The following NMNAT2 variants were observed in gnomAD, a reference collection of about 807,000 sequenced individuals.
NMNAT2 encodes the protein nicotinamide/nicotinic acid mononucleotide adenylyltransferase 2.
In NMNAT2, 11 loss-of-function variants were observed where a neutral mutation model predicts 41.6. The observed-to-expected ratio is 0.26, with a 90% CI of 0.17 to 0.44. The LOEUF is 0.44. Among genes scored for constraint, NMNAT2 ranks in the 20% least tolerant of loss-of-function variants. The pLI, the probability that NMNAT2 is intolerant of heterozygous loss-of-function variation, is 1.00. For synonymous variants in NMNAT2, 148 were observed against 151.2 expected (o/e 0.98, Z 0.16); for missense variants, 288 against 407.7 (o/e 0.71, Z 2.53).
chr1:183,345,779 C>T (rs1662915223), intron 1 of NMNAT2, among the ~76,000 whole-genome samples: 1 of 151,862 alleles, frequency 6.6e-6, no homozygotes, highest in African/African-American at 2.4e-5. Context: ...CTCCGCCTCC[C>T]GGGTTCACGC....
chr1:183,389,740 GAAA>G (rs1648383410), intron 1 of NMNAT2, among the ~76,000 whole-genome samples: 2 of 6,306 alleles, frequency 3.2e-4, no homozygotes, highest in African/African-American at 5.5e-4. Flanking sequence ...TGTCAAAAAA[GAAA>G]GAAAGAAAGA....
intron 1 of NMNAT2, among the ~76,000 whole-genome samples, chr1:183,309,860 G>C (rs1662069499): frequency 1.3e-5 from 2 of 152,134 alleles, no homozygotes; most frequent in African/African-American, 4.8e-5. Context: ...TACTTCTCTC[G>C]CTCATTTTGG....
At chr1:183,341,742 A>AAAAAC (rs1557883732) in intron 1 of NMNAT2, among the ~76,000 whole-genome samples, 3 of 137,142 alleles carry the variant, frequency 2.2e-5, no homozygotes, top group African/African-American at 9.0e-5. Flanking sequence ...AAAAAAAAAA[A>AAAAAC]AAAAACCTGT....
Position 183,418,308 on chromosome 1 carries a change from T to C in NMNAT2, c.-41A>G, listed in dbSNP as rs756077809. ...TTCGCGGTGGTCTAGGGGTTGCCTC[T>C]CTTTTTGTGTCTCGTTGTGTCTGCA... On this transcript the variant is annotated 5_prime_UTR_variant, in exon 1 of 11. Transcript: ENST00000287713. 1 of 1,569,864 alleles carries C rather than the reference T, an allele frequency of 6.4e-7. No homozygotes were observed. The highest frequency in any genetic ancestry group is 8.8e-7 in the Non-Finnish European group (1 of 1,140,460).
intron 1 of NMNAT2, among the ~76,000 whole-genome samples, chr1:183,373,253 A>G (rs1663590555): frequency 6.6e-6 from 1 of 152,248 alleles, no homozygotes. Flanking sequence ...TTGCTGAATA[A>G]AATGTCTGGC....
chr1:183,389,691 A>G (rs1288180536), intron 1 of NMNAT2, among the ~76,000 whole-genome samples: 1 of 149,192 alleles, frequency 6.7e-6, no homozygotes, highest in Admixed American at 6.8e-5. Context: ...AGCTGAGATC[A>G]TGCCATTGCA....
chr1:183,316,195 G>T (rs922435375), intron 1 of NMNAT2, among the ~76,000 whole-genome samples: 1 of 152,136 alleles, frequency 6.6e-6, no homozygotes, highest in Non-Finnish European at 1.5e-5. Context: ...GAGTGCTCCA[G>T]TTCCCAGGGA....
chr1:183,286,561 A>G (rs1472853127), intron 5 of NMNAT2, 101 bp downstream of exon 5: 1 of 985,574 alleles, frequency 1.0e-6, no homozygotes, highest in Non-Finnish European at 1.5e-6. Flanking sequence ...CCCCTCTCAG[A>G]CCTACTGAAT....
chr1:183,288,557 C>G (rs145897805), intron 4 of NMNAT2, among the ~76,000 whole-genome samples: 57 of 152,288 alleles, frequency 3.7e-4, no homozygotes, highest in African/African-American at 1.3e-3. Context: ...TCAGGAAGCC[C>G]GGGCATTTAG....
At chr1:183,412,015 A>G (rs997758096) in intron 1 of NMNAT2, among the ~76,000 whole-genome samples, 1 of 152,192 alleles carries the variant, frequency 6.6e-6, no homozygotes, top group African/African-American at 2.4e-5. Flanking sequence ...CAAAGCAAAG[A>G]TGTTCCATGG....
chr1:183,322,814 A>G (rs1487840053), intron 1 of NMNAT2, among the ~76,000 whole-genome samples: 1 of 152,178 alleles, frequency 6.6e-6, no homozygotes, highest in Non-Finnish European at 1.5e-5. Context: ...GTCTGCTGAC[A>G]TCTCCCAAAT....
At chr1:183,313,129 T>C (rs1662164217) in intron 1 of NMNAT2, among the ~76,000 whole-genome samples, 1 of 146,182 alleles carries the variant, frequency 6.8e-6, no homozygotes, top group South Asian at 2.4e-4. Context: ...CACGCATCTA[T>C]TCAATTTAAC....
intron 1 of NMNAT2, among the ~76,000 whole-genome samples, chr1:183,397,802 GC>G (rs1648693220): frequency 6.6e-6 from 1 of 152,154 alleles, no homozygotes; most frequent in Non-Finnish European, 1.5e-5. Context: ...TTCATGTCCA[GC>G]CAAACTAAGC....
Position 183,278,240 on chromosome 1 carries a change from GA to G in NMNAT2, c.651+312del, listed in dbSNP as rs552025719. 3.9e-5 allele frequency among the ~76,000 whole-genome samples: 6 copies of G among 152,256 alleles called. No homozygotes were observed. In the South Asian group the frequency reaches 1.2e-3, roughly 32 times the overall value. On this transcript the variant is annotated intron_variant, in intron 8 of 10. Transcript: ENST00000287713. ...CACACAATAATCTTAAAAGGGCAAA[GA>G]TTTTTTTTTCTCCCTTCCTTCTCCC...
intron 1 of NMNAT2, among the ~76,000 whole-genome samples, chr1:183,338,911 G>C (rs1662735343): frequency 6.6e-6 from 1 of 152,088 alleles, no homozygotes; most frequent in African/African-American, 2.4e-5. Context: ...TCTGTCTCGG[G>C]CTATGAGTTG....
chr1:183,267,381 A>T (rs992648835), intron 8 of NMNAT2: 1 of 152,252 alleles, frequency 6.6e-6, no homozygotes, highest in Non-Finnish European at 1.5e-5. Context: ...AGAAATTTTG[A>T]TATAGCATGT....
intron 1 of NMNAT2, among the ~76,000 whole-genome samples, chr1:183,364,702 T>C (rs926440825): frequency 4.6e-5 from 7 of 152,020 alleles, no homozygotes; most frequent in Non-Finnish European, 7.4e-5. Flanking sequence ...TTGTTGTTGT[T>C]ATTGTTTGAG....
At position 183,252,568 on chromosome 1, in the gene NMNAT2, CAGAG is replaced by C. The variant is rs1156638140; in HGVS notation, c.*69_*72del. 4 of 1,074,264 alleles carry C rather than the reference CAGAG, an allele frequency of 3.7e-6. No homozygotes were observed. Among genetic ancestry groups the C allele is most frequent in the East Asian group, 2.4e-5 (1 of 42,490 alleles). The allele number at this position is 1,074,264 out of a possible 1,614,324, so 66.5% of individuals were successfully genotyped here. A position where few individuals can be genotyped will look rare whatever the true frequency, so the allele number is the denominator to read the frequency against. ...CAGTCAAGACGAGGAGATGGAGAAA[CAGAG>C]AGGCAGGAGAGAAACAGGGGGCTGA... On this transcript the variant is annotated 3_prime_UTR_variant, in exon 11 of 11. Coordinates refer to ENST00000287713, the MANE Select transcript of NMNAT2 (RefSeq NM_015039.4).
intron 1 of NMNAT2, among the ~76,000 whole-genome samples, chr1:183,409,383 C>T (rs1649052377): frequency 6.6e-6 from 1 of 152,148 alleles, no homozygotes; most frequent in Non-Finnish European, 1.5e-5. Context: ...GTGGCATGAT[C>T]ATGACTCACT....
Sources: allele counts gnomAD v4.1 joint callset (sites outside exome capture counted in the v4.1 genomes callset), GRCh38; gene constraint gnomAD v4.1.1; transcripts MANE v1.5; gene names NCBI Gene and HGNC (gene_info 2026-07-23, HGNC 2026-07-21).